The following RFX3 variants were observed in gnomAD, a reference collection of about 807,000 sequenced individuals.
RFX3 encodes the protein transcription factor RFX3.
Under a neutral mutation model 98.6 loss-of-function variants are expected in RFX3, and 14 were observed. The ratio of observed to expected loss-of-function variants is 0.14; its 90% CI spans 0.09 to 0.22. The LOEUF (loss-of-function observed/expected upper bound fraction) is 0.22, where lower values mean the gene tolerates loss of function less well. RFX3 is among the 10% of genes least tolerant of loss of function. The pLI, the probability that RFX3 is intolerant of heterozygous loss-of-function variation, is 1.00. For synonymous variants in RFX3, 383 were observed against 328.4 expected (o/e 1.17, Z -1.80); for missense variants, 639 against 926.9 (o/e 0.69, Z 4.03).
chr9:3,275,205 G>A (rs1263387165), intron 9 of RFX3, among the ~76,000 whole-genome samples: 1 of 151,812 alleles, frequency 6.6e-6, no homozygotes, highest in Non-Finnish European at 1.5e-5. Flanking sequence ...TTGTCACCCA[G>A]ATATAAATAT....
intron 7 of RFX3, among the ~76,000 whole-genome samples, chr9:3,287,752 A>G (rs1208395576): frequency 6.6e-6 from 1 of 151,982 alleles, no homozygotes; most frequent in Non-Finnish European, 1.5e-5. Flanking sequence ...TTCTGCAAGA[A>G]TTCATACTGT....
chr9:3,262,705 T>C (rs1563821363), intron 13 of RFX3, among the ~76,000 whole-genome samples: 2 of 152,202 alleles, frequency 1.3e-5, no homozygotes, highest in Admixed American at 6.5e-5. Flanking sequence ...CAGCAAATGC[T>C]GGTGATATAT....
At chr9:3,381,750 A>G (rs1428743750) in intron 2 of RFX3, among the ~76,000 whole-genome samples, 5 of 152,156 alleles carry the variant, frequency 3.3e-5, no homozygotes, top group African/African-American at 1.2e-4. Context: ...ATCCAAAGCT[A>G]TCAATACTTA....
At chr9:3,314,255 T>C (rs887202971) in intron 4 of RFX3, among the ~76,000 whole-genome samples, 1 of 152,158 alleles carries the variant, frequency 6.6e-6, no homozygotes, top group Non-Finnish European at 1.5e-5. Flanking sequence ...AACCAGAATT[T>C]CATATCCAGC....
intron 1 of RFX3, among the ~76,000 whole-genome samples, chr9:3,505,263 T>A (rs1359718831): frequency 2.7e-5 from 2 of 74,652 alleles, no homozygotes; most frequent in African/African-American, 1.8e-4. Context: ...AATATATATT[T>A]ATATATATAT....
intron 1 of RFX3, among the ~76,000 whole-genome samples, chr9:3,456,582 T>C (rs1050486683): frequency 2.0e-5 from 3 of 152,184 alleles, no homozygotes; most frequent in East Asian, 3.8e-4. Flanking sequence ...TAGAAATACC[T>C]TTCTCCAAGC....
At chr9:3,263,830 G>T (rs1452442166) in intron 12 of RFX3, among the ~76,000 whole-genome samples, 1 of 152,136 alleles carries the variant, frequency 6.6e-6, no homozygotes, top group Non-Finnish European at 1.5e-5. Flanking sequence ...ACCAATAACA[G>T]GCACTGGCAG....
chr9:3,381,672 C>T (rs1211681913), intron 2 of RFX3, among the ~76,000 whole-genome samples: 1 of 151,806 alleles, frequency 6.6e-6, no homozygotes, highest in Non-Finnish European at 1.5e-5. Flanking sequence ...TCCTTGATTT[C>T]TCTTCTTTAA....
At chr9:3,497,162 G>A (rs187500749) in intron 1 of RFX3, among the ~76,000 whole-genome samples, 1 of 152,122 alleles carries the variant, frequency 6.6e-6, no homozygotes, top group East Asian at 1.9e-4. Context: ...GTCTTGAAAT[G>A]TTACAATATG....
chr9:3,456,488 C>T (rs1223501969), intron 1 of RFX3, among the ~76,000 whole-genome samples: 1 of 150,918 alleles, frequency 6.6e-6, no homozygotes, highest in African/African-American at 2.4e-5. Flanking sequence ...ATGTGATATG[C>T]AAATGTGATG....
chr9:3,272,776 A>G (rs78897397), intron 9 of RFX3, among the ~76,000 whole-genome samples: 13,492 of 152,186 alleles, frequency 0.089, 1,876 homozygotes, highest in African/African-American at 0.3. Context: ...TAAAAAAAAT[A>G]TTTCAGCAAC....
At chr9:3,324,506 G>C (rs894985819) in intron 4 of RFX3, among the ~76,000 whole-genome samples, 3 of 149,242 alleles carry the variant, frequency 2.0e-5, no homozygotes, top group Non-Finnish European at 4.4e-5. Flanking sequence ...TTCTTCGTGT[G>C]CTAATATGAA....
chr9:3,271,040 A>G lies in RFX3; in HGVS notation c.1165T>C (p.Ser389Pro). 6.2e-7 allele frequency: 1 copy of G among 1,613,846 alleles called. No homozygotes were observed. Among genetic ancestry groups the G allele is most frequent in the Non-Finnish European group, 8.5e-7 (1 of 1,179,778 alleles). ...LWQTFWRYSP[S>P]TPTDGTTITE... ...ATGGTAGTGCCATCAGTTGGAGTAG[A>G]GGGAGAATAGCGCCAGAATGTTTGC... The change falls in exon 10 of 17, where the codon TCT (serine) becomes CCT (proline). Residue 389 changes from serine to proline, a missense_variant. Transcript: ENST00000617270.
intron 1 of RFX3, among the ~76,000 whole-genome samples, chr9:3,413,211 C>T (rs953144206): frequency 6.6e-6 from 1 of 151,866 alleles, no homozygotes; most frequent in East Asian, 1.9e-4. Flanking sequence ...ACATCAGCAT[C>T]TTCCTAAGAA....
intron 1 of RFX3, among the ~76,000 whole-genome samples, chr9:3,507,382 ACACT>A (rs973218810): frequency 2.6e-5 from 4 of 152,074 alleles, no homozygotes; most frequent in Admixed American, 6.6e-5. Context: ...CATTTATTAA[ACACT>A]CACATGTCAG....
At chr9:3,351,952 A>C (rs144685295) in intron 2 of RFX3, among the ~76,000 whole-genome samples, 1 of 152,108 alleles carries the variant, frequency 6.6e-6, no homozygotes, top group East Asian at 1.9e-4. Context: ...TCAATATCTG[A>C]AGAGTTGCTG....
intron 4 of RFX3, among the ~76,000 whole-genome samples, chr9:3,306,207 T>C (rs1028360233): frequency 6.6e-6 from 1 of 152,068 alleles, no homozygotes; most frequent in Non-Finnish European, 1.5e-5. Flanking sequence ...TTCTCATATA[T>C]CATCTGAGGA....
At chr9:3,261,070 T>A (rs910311575) in intron 13 of RFX3, among the ~76,000 whole-genome samples, 1 of 151,902 alleles carries the variant, frequency 6.6e-6, no homozygotes, top group African/African-American at 2.4e-5. Context: ...TTAAAATTTC[T>A]AGAAAATAAA....
chr9:3,320,412 G>A (rs990549762), intron 4 of RFX3, among the ~76,000 whole-genome samples: 2 of 151,930 alleles, frequency 1.3e-5, no homozygotes, highest in South Asian at 4.2e-4. Flanking sequence ...AAGCTAGCCG[G>A]GTGTGGTGGC....
Sources: allele counts gnomAD v4.1 joint callset (sites outside exome capture counted in the v4.1 genomes callset), GRCh38; gene constraint gnomAD v4.1.1; transcripts MANE v1.5; gene names NCBI Gene and HGNC (gene_info 2026-07-23, HGNC 2026-07-21).